Variants in RNF111 observed in about 807,000 individuals in gnomAD.
The protein encoded by RNF111 is ring finger protein 111.
A neutral mutation model predicts 95.1 loss-of-function variants in RNF111; 17 were observed. That is an observed-to-expected ratio of 0.18 (90% CI 0.12 to 0.27). The LOEUF is 0.27. Ranked by LOEUF, RNF111 falls within the 10% of genes least tolerant of loss-of-function variation. The pLI is 1.00. For missense variants in RNF111, 1,189 were observed against 1,210.4 expected (o/e 0.98, Z 0.26); for synonymous variants, 440 against 414.8 (o/e 1.06, Z -0.74).
At chr15:59,093,119 TA>T (rs1355718476) in intron 13 of RNF111, among the ~76,000 whole-genome samples, 4 of 152,180 alleles carry the variant, frequency 2.6e-5, no homozygotes, top group Non-Finnish European at 5.9e-5. Flanking sequence ...AATAAAAGAT[TA>T]AAGTATCTAT....
At chr15:59,018,427 T>C (rs2040172997) in intron 1 of RNF111, among the ~76,000 whole-genome samples, 2 of 152,202 alleles carry the variant, frequency 1.3e-5, no homozygotes, top group Admixed American at 1.3e-4. Context: ...GATTTGTTTG[T>C]GTAGAAATCT....
At chr15:59,054,679 C>G (rs1258113605) in intron 3 of RNF111, among the ~76,000 whole-genome samples, 1 of 152,044 alleles carries the variant, frequency 6.6e-6, no homozygotes, top group Non-Finnish European at 1.5e-5. Flanking sequence ...TTTTTAAACT[C>G]TGGGTTCTAT....
At chr15:59,019,685 G>T (rs1351075550) in intron 1 of RNF111, among the ~76,000 whole-genome samples, 2 of 152,114 alleles carry the variant, frequency 1.3e-5, no homozygotes, top group East Asian at 3.8e-4. Context: ...TAAGCCAGGC[G>T]TGGTGGCTTA....
Position 59,028,047 on chromosome 15 carries a change from G to A in RNF111, c.-19-2757G>A, listed in dbSNP as rs375866185. Among the ~76,000 whole-genome samples, 124 of 151,810 alleles carry A rather than the reference G, an allele frequency of 8.2e-4. 1 individual carries two copies. The highest frequency in any genetic ancestry group is 2.8e-3 in the African/African-American group (116 of 41,392). ...TCACCATGTTGGCCAGGCTGGCCTC[G>A]AACTCCTGACCTCAGGTGATCTGCC... is the stretch of plus-strand genomic sequence containing the variant. On this transcript the variant is annotated intron_variant, in intron 1 of 13. Transcript: ENST00000348370.
At chr15:59,028,579 C>T (rs2040742260) in intron 1 of RNF111, among the ~76,000 whole-genome samples, 1 of 151,986 alleles carries the variant, frequency 6.6e-6, no homozygotes, top group Admixed American at 6.6e-5. Flanking sequence ...GACTACCGTA[C>T]TTCATTTCTT....
chr15:59,027,662 G>T (rs2141720980), intron 1 of RNF111, among the ~76,000 whole-genome samples: 1 of 151,980 alleles, frequency 6.6e-6, no homozygotes, highest in African/African-American at 2.4e-5. Context: ...CTGAGTAGCT[G>T]GGATTACAGG....
intron 5 of RNF111, among the ~76,000 whole-genome samples, chr15:59,065,183 G>A (rs2042603595): frequency 6.6e-6 from 1 of 152,072 alleles, no homozygotes; most frequent in Non-Finnish European, 1.5e-5. Context: ...AGGGGGTTAA[G>A]GATGGCAGCA....
intron 1 of RNF111, among the ~76,000 whole-genome samples, chr15:59,026,379 C>T (rs1256221748): frequency 2.0e-5 from 3 of 151,796 alleles, no homozygotes; most frequent in African/African-American, 7.3e-5. Flanking sequence ...AATTAGCATG[C>T]AGTCATCATG....
At chr15:59,043,037 G>C (rs1434106373) in intron 2 of RNF111, among the ~76,000 whole-genome samples, 1 of 152,032 alleles carries the variant, frequency 6.6e-6, no homozygotes, top group Non-Finnish European at 1.5e-5. Context: ...TTGATGTCTA[G>C]TTTTGTATCT....
chr15:59,011,190 T>C (rs536628208), intron 1 of RNF111, among the ~76,000 whole-genome samples: 4 of 152,336 alleles, frequency 2.6e-5, no homozygotes, highest in Non-Finnish European at 4.4e-5. Flanking sequence ...TCTTCGAATT[T>C]CACTGTCTTA....
At chr15:59,002,155 C>A (rs1464647804) in intron 1 of RNF111, among the ~76,000 whole-genome samples, 1 of 152,094 alleles carries the variant, frequency 6.6e-6, no homozygotes, top group African/African-American at 2.4e-5. Context: ...GTAACTGAAA[C>A]CGTAGACAGT....
intron 2 of RNF111, chr15:59,049,278 T>G (rs1370303368): frequency 1.3e-5 from 2 of 152,258 alleles, no homozygotes; most frequent in African/African-American, 4.8e-5. Flanking sequence ...AATCACAGTT[T>G]TTGTCTTTTT....
chr15:59,079,488 A>G (rs1279000544), intron 7 of RNF111, among the ~76,000 whole-genome samples: 1 of 152,206 alleles, frequency 6.6e-6, no homozygotes, highest in Non-Finnish European at 1.5e-5. Flanking sequence ...CATACTTTGA[A>G]AATATAGTTG....
At chr15:59,035,137 C>T (rs1423370851) in intron 2 of RNF111, among the ~76,000 whole-genome samples, 16 of 152,266 alleles carry the variant, frequency 1.1e-4, no homozygotes, top group Admixed American at 6.5e-4. Context: ...GTGAGACTTA[C>T]TCACTACCAT....
rs751855551 is a variant in RNF111 at position 59,031,439 on chromosome 15, C to T, written c.617C>T (p.Ser206Leu). Residue 206 changes from serine to leucine, a missense_variant, in exon 2 of 14, where the codon TCG becomes TTG. Ser to Leu is a moderately radical substitution (Grantham distance 145). Transcript: ENST00000348370. ...AAAAGACCCTGTTTACATGGCAGTT[C>T]GTTACGGAGACTTCCATGCAGAAAG... The part of the protein sequence containing the change: ...LMKRPCLHGS[S>L]LRRLPCRKRF... The T allele has an allele frequency of 4.3e-6, 7 of 1,613,986 alleles. No homozygotes were observed. Among genetic ancestry groups the T allele is most frequent in the African/African-American group, 1.3e-5 (1 of 74,894 alleles).
chr15:58,994,876 C>T (rs894798035), intron 1 of RNF111, among the ~76,000 whole-genome samples: 3 of 152,124 alleles, frequency 2.0e-5, no homozygotes, highest in East Asian at 3.8e-4. Context: ...TATTCTTTTG[C>T]GTTATCACTG....
rs760645483 is a variant in RNF111, at chr15:59,031,425, T to G, written c.603T>G (p.Cys201Trp). The G allele has an allele frequency of 6.2e-7, 1 of 1,614,202 alleles. No individual in the cohort carries two copies. Among genetic ancestry groups the G allele is most frequent in the Non-Finnish European group, 8.5e-7 (1 of 1,180,036 alleles). ...CGGGATTGTTAATGAAAAGACCCTG[T>G]TTACATGGCAGTTCGTTACGGAGAC... is the stretch of plus-strand genomic sequence containing the variant. ...SVSGLLMKRP[C>W]LHGSSLRRLP... The change falls in exon 2 of 14, where the codon TGT (cysteine) becomes TGG (tryptophan). Residue 201 changes from cysteine to tryptophan, a missense_variant. Cys to Trp is a radical substitution (Grantham distance 215). Coordinates refer to ENST00000348370, the MANE Select transcript of RNF111 (RefSeq NM_017610.8).
At chr15:59,056,909 T>C (rs2042222594) in intron 4 of RNF111, among the ~76,000 whole-genome samples, 2 of 152,202 alleles carry the variant, frequency 1.3e-5, no homozygotes, top group Non-Finnish European at 2.9e-5. Flanking sequence ...AGTAGCCTTT[T>C]CCACATTACA....
intron 13 of RNF111, 121 bp downstream of exon 13, chr15:59,092,761 A>C: frequency 1.1e-6 from 1 of 940,830 alleles, no homozygotes; most frequent in Non-Finnish European, 1.5e-6. Context: ...TTTGAGGCCA[A>C]GGCCAGAGGC....
Sources: gnomAD v4.1 joint callset for allele counts (sites outside exome capture counted in the v4.1 genomes callset) on GRCh38, gnomAD v4.1.1 for gene constraint, MANE v1.5 for transcripts, NCBI Gene and HGNC (gene_info 2026-07-23, HGNC 2026-07-21) for gene names.